The following MREG variants were observed in gnomAD, a reference collection of about 807,000 sequenced individuals.
MREG encodes the protein dilute suppressor protein homolog.
A neutral mutation model predicts 28.5 loss-of-function variants in MREG; 31 were observed. The observed-to-expected ratio is 1.09, with a 90% CI of 0.82 to 1.47. The LOEUF (loss-of-function observed/expected upper bound fraction) is 1.47. Among genes scored for constraint, MREG ranks in the 40% most tolerant of loss-of-function variants. The pLI, the probability that MREG is intolerant of heterozygous loss-of-function variation, is 0.00. For missense variants in MREG, 256 were observed against 257.4 expected, an observed-to-expected ratio of 0.99 and a Z score of 0.04; for synonymous variants, 106 against 95.2, an observed-to-expected ratio of 1.11 and a Z score of -0.66.
intron 1 of MREG, among the ~76,000 whole-genome samples, chr2:216,028,995 T>A (rs1694639735): frequency 6.6e-6 from 1 of 152,078 alleles, no homozygotes; most frequent in African/African-American, 2.4e-5. Flanking sequence ...CATTGGAATA[T>A]GGAGTTAAGT....
intron 1 of MREG, among the ~76,000 whole-genome samples, chr2:216,032,125 C>G (rs1328014780): frequency 6.6e-6 from 1 of 152,166 alleles, no homozygotes; most frequent in East Asian, 1.9e-4. Context: ...GAATCACTTA[C>G]AGAAATGACT....
chr2:215,985,227 T>C (rs547696599), intron 2 of MREG, among the ~76,000 whole-genome samples: 14 of 152,370 alleles, frequency 9.2e-5, no homozygotes, highest in South Asian at 6.2e-4. Context: ...AAATAATAAG[T>C]TGTATCCATA....
intron 2 of MREG, among the ~76,000 whole-genome samples, chr2:215,961,040 T>C (rs1692770671): frequency 6.6e-6 from 1 of 152,086 alleles, no homozygotes; most frequent in Non-Finnish European, 1.5e-5. Context: ...TCAGCCCAAA[T>C]GGAAAAGGAT....
In MREG at chr2:215,968,311, A is replaced by G. The variant is rs181173522; in HGVS notation, c.256-21198T>C. 2.2e-3 allele frequency among the ~76,000 whole-genome samples: 338 copies of G among 152,302 alleles called. 3 individuals carry two copies. The highest frequency in any genetic ancestry group is 7.5e-3 in the African/African-American group (313 of 41,560). On this transcript the variant is annotated intron_variant, in intron 2 of 4. Coordinates refer to ENST00000263268, the MANE Select transcript of MREG (RefSeq NM_018000.3). ...ACTTTTCACCACTCATTACCACAGC[A>G]TCAGGTAACAGAGTAAAAAAGATGA...
At chr2:215,964,032 T>G (rs191692998) in intron 2 of MREG, among the ~76,000 whole-genome samples, 1 of 152,134 alleles carries the variant, frequency 6.6e-6, no homozygotes, top group Non-Finnish European at 1.5e-5. Context: ...CTTAGACACG[T>G]CTCATTACTT....
intron 2 of MREG, among the ~76,000 whole-genome samples, chr2:215,955,111 T>A (rs1692588510): frequency 6.6e-6 from 1 of 152,230 alleles, no homozygotes; most frequent in Non-Finnish European, 1.5e-5. Flanking sequence ...TTACCAATTT[T>A]ATCAGCATTT....
At chr2:215,951,262 T>C (rs1692476375) in intron 2 of MREG, among the ~76,000 whole-genome samples, 1 of 152,196 alleles carries the variant, frequency 6.6e-6, no homozygotes. Context: ...AAAAATGTTA[T>C]CCAATTACAT....
chr2:216,010,527 T>A (rs1442246154), intron 1 of MREG, among the ~76,000 whole-genome samples: 2 of 151,256 alleles, frequency 1.3e-5, no homozygotes, highest in Non-Finnish European at 2.9e-5. Flanking sequence ...CCGGCTAATT[T>A]TTTGTATTTT....
chr2:215,945,808 G>A, intron 3 of MREG, 74 bp from the exon 4 acceptor site: 1 of 1,337,724 alleles, frequency 7.5e-7, no homozygotes, highest in Non-Finnish European at 1.0e-6. Context: ...GGTCCCTGCA[G>A]GAGATTACGA....
At chr2:215,972,127 C>T (rs1279983468) in intron 2 of MREG, among the ~76,000 whole-genome samples, 2 of 152,174 alleles carry the variant, frequency 1.3e-5, no homozygotes, top group Admixed American at 6.5e-5. Flanking sequence ...CCTTCAGGAC[C>T]CTGTCTCCTT....
rs188697413 is a variant in MREG, at chr2:215,943,469, C to T, written c.*1394G>A. The stretch of plus-strand genomic sequence containing the variant: ...CCCCACAGGTGCAGCTGCCAGCCAA[C>T]GAATCAGAAACAGATGAAAGAGGAG... On this transcript the variant is annotated 3_prime_UTR_variant, in exon 5 of 5. Transcript: ENST00000263268. 2.2e-6 allele frequency: 1 copy of T among 456,698 alleles called. No individual in the cohort carries two copies. Among genetic ancestry groups the T allele is most frequent in the Non-Finnish European group, 4.4e-6 (1 of 226,968 alleles). 28.3% of individuals were successfully genotyped at this position (456,698 alleles called of 1,614,324 possible).
chr2:216,004,588 C>A (rs1056048200), intron 1 of MREG, among the ~76,000 whole-genome samples: 1 of 151,548 alleles, frequency 6.6e-6, no homozygotes, highest in Non-Finnish European at 1.5e-5. Context: ...CTGTGCCTGG[C>A]ACATAGTAAA....
intron 1 of MREG, among the ~76,000 whole-genome samples, chr2:216,001,453 T>C (rs1694011049): frequency 6.6e-6 from 1 of 152,230 alleles, no homozygotes; most frequent in Non-Finnish European, 1.5e-5. Flanking sequence ...TGGTATTCTC[T>C]GCGAGCTCCT....
At chr2:216,016,833 T>A (rs184895291), upstream of MREG, among the ~76,000 whole-genome samples, 545 of 152,326 alleles carry the variant, frequency 3.6e-3, 3 homozygotes, top group Non-Finnish European at 3.9e-3. Context: ...CAGAACTACA[T>A]CTATTTAACA....
downstream of MREG, among the ~76,000 whole-genome samples, chr2:215,942,163 T>C (rs77471135): frequency 0.012 from 1,788 of 152,296 alleles, 38 homozygotes; most frequent in African/African-American, 0.041. Context: ...TCCTGGTGCA[T>C]TTTAAAATAA....
At chr2:216,031,497 A>AAGAAAGAAAGAAAG (rs1694697428) in intron 1 of MREG, among the ~76,000 whole-genome samples, 3 of 114,802 alleles carry the variant, frequency 2.6e-5, no homozygotes, top group Non-Finnish European at 5.2e-5. Flanking sequence ...AAGAAAGAGA[A>AAGAAAGAAAGAAAG]AGAAAGAGAG....
intron 2 of MREG, among the ~76,000 whole-genome samples, chr2:215,952,237 C>T (rs1692511018): frequency 6.6e-6 from 1 of 152,102 alleles, no homozygotes; most frequent in Non-Finnish European, 1.5e-5. Context: ...CATGGGGGTA[C>T]AGATATACAT....
chr2:216,004,522 C>T lies in MREG; in HGVS notation c.96-8057G>A, dbSNP rs114521443. Among the ~76,000 whole-genome samples the T allele has an allele frequency of 7.7e-3, 1,144 of 149,248 alleles. 17 individuals carry two copies. Among genetic ancestry groups the T allele is most frequent in the African/African-American group, 0.026 (1,059 of 40,232 alleles). On this transcript the variant is annotated intron_variant, in intron 1 of 4. Transcript: ENST00000263268. ...TAATGCCAATGCACTCCAGCCTAAA[C>T]GACAGAGTTAGACTCTGCCTCAAAA...
At chr2:216,003,373 C>T (rs1048242564) in intron 1 of MREG, among the ~76,000 whole-genome samples, 3 of 152,176 alleles carry the variant, frequency 2.0e-5, no homozygotes, top group Non-Finnish European at 4.4e-5. Flanking sequence ...GCCCTGCTTT[C>T]AAGGCTCGAA....
Sources: allele counts gnomAD v4.1 joint callset (sites outside exome capture counted in the v4.1 genomes callset), GRCh38; gene constraint gnomAD v4.1.1; transcripts MANE v1.5; gene names NCBI Gene and HGNC (gene_info 2026-07-23, HGNC 2026-07-21).